The following COL11A1 variants were observed in gnomAD, a reference collection of about 807,000 sequenced individuals.
COL11A1 encodes collagen type XI alpha 1 chain.
In COL11A1, 74 loss-of-function variants were observed where a neutral mutation model predicts 265.2. The ratio of observed to expected loss-of-function variants is 0.28; its 90% CI spans 0.23 to 0.34. The LOEUF (loss-of-function observed/expected upper bound fraction) is 0.34, where lower values mean the gene tolerates loss of function less well. Ranked by LOEUF, COL11A1 falls within the 10% of genes least tolerant of loss-of-function variation. The pLI, the probability that COL11A1 is intolerant of heterozygous loss-of-function variation, is 1.00. For missense variants in COL11A1, 2,165 were observed against 2,263.6 expected, an observed-to-expected ratio of 0.96 and a Z score of 0.88; for synonymous variants, 816 against 727.6, an observed-to-expected ratio of 1.12 and a Z score of -1.96.
chr1:102,958,394 T>G (rs1005914086), intron 41 of COL11A1, among the ~76,000 whole-genome samples: 2 of 152,164 alleles, frequency 1.3e-5, no homozygotes, highest in Admixed American at 1.3e-4. Context: ...ATTGACATTA[T>G]TAATTTTCTA....
chr1:102,998,391 A>C (rs773800941), intron 24 of COL11A1, 28 bp from the exon 25 acceptor site: 25 of 1,486,562 alleles, frequency 1.7e-5, no homozygotes, highest in Middle Eastern at 2.5e-4. Flanking sequence ...AATATTAAAA[A>C]GATAAAAATA....
Position 103,006,115 on chromosome 1 carries a change from G to C in COL11A1, c.1744C>G (p.Pro582Ala), listed in dbSNP as rs746192125. 4 of 1,613,440 alleles carry C rather than the reference G, an allele frequency of 2.5e-6. No individual in the cohort carries two copies. The highest frequency in any genetic ancestry group is 3.4e-6 in the Non-Finnish European group (4 of 1,179,842). The change falls in exon 17 of 67, where the codon CCA becomes GCA. Residue 582 changes from proline (P) to alanine (A), a missense_variant. By Grantham distance (27) the Pro-to-Ala change is conservative (BLOSUM62 -1). Coordinates refer to ENST00000370096, the MANE Select transcript of COL11A1 (RefSeq NM_001854.4). ...PTGKPGKRGRPGADGGRGMPG... is the reference protein window; with the variant it reads ...PTGKPGKRGRAGADGGRGMPG... ...ATTCCTCTTCCTCCATCTGCACCTG[G>C]ACGACCCTAATAATGCCAACAGCAT...
intron 43 of COL11A1, 80 bp downstream of exon 43, chr1:102,940,246 TA>T: frequency 8.5e-7 from 1 of 1,179,052 alleles, no homozygotes; most frequent in Non-Finnish European, 1.3e-6. Flanking sequence ...CGCCTAATCA[TA>T]AAGATTAGAA....
At chr1:102,980,149 G>A (rs899329883) in intron 31 of COL11A1, among the ~76,000 whole-genome samples, 3 of 152,032 alleles carry the variant, frequency 2.0e-5, no homozygotes, top group Non-Finnish European at 4.4e-5. Context: ...TCTGCAAAGT[G>A]AGGGCAGTAA....
chr1:103,005,964 A>C (rs1665568733), intron 17 of COL11A1, 73 bp from the exon 18 acceptor site: 1 of 1,612,444 alleles, frequency 6.2e-7, no homozygotes, highest in Non-Finnish European at 8.5e-7. Flanking sequence ...CTGCAATTTA[A>C]ATGCGAAATA....
chr1:102,898,893 T>TATATATA (rs751982094), intron 55 of COL11A1, 48 bp downstream of exon 55: 2 of 1,084,298 alleles, frequency 1.8e-6, no homozygotes, highest in African/African-American at 1.6e-5. Flanking sequence ...TAATACCTTG[T>TATATATA]ATATATAATA....
intron 4 of COL11A1, among the ~76,000 whole-genome samples, chr1:103,066,134 A>G (rs1671125117): frequency 6.6e-6 from 1 of 152,170 alleles, no homozygotes; most frequent in African/African-American, 2.4e-5. Flanking sequence ...GTTGTATAAG[A>G]AATGTTAAAG....
chr1:102,931,502 T>G (rs2101163707), intron 46 of COL11A1, among the ~76,000 whole-genome samples: 1 of 152,294 alleles, frequency 6.6e-6, no homozygotes, highest in African/African-American at 2.4e-5. Context: ...TGAGGAGAGC[T>G]TTACTTCCAA....
intron 24 of COL11A1, chr1:103,001,711 G>GTTACCA: frequency 1.7e-6 from 1 of 599,610 alleles, no homozygotes; most frequent in Non-Finnish European, 3.0e-6. Flanking sequence ...TTTGGAAGCT[G>GTTACCA]TTTAAATGGT....
At chr1:103,032,545 G>A (rs1045962792) in intron 4 of COL11A1, among the ~76,000 whole-genome samples, 1 of 151,962 alleles carries the variant, frequency 6.6e-6, no homozygotes, top group Non-Finnish European at 1.5e-5. Flanking sequence ...AACTTGAAAA[G>A]ATATAATCAA....
At chr1:102,979,203 TC>T in intron 32 of COL11A1, 99 bp from the exon 33 acceptor site, 11 of 1,317,158 alleles carry the variant, frequency 8.4e-6, no homozygotes, top group Non-Finnish European at 1.2e-5. Flanking sequence ...ATTCATTCAT[TC>T]ATTCATTCGT....
chr1:102,898,519 C>T (rs935731607), intron 56 of COL11A1, 147 bp downstream of exon 56: 22 of 612,226 alleles, frequency 3.6e-5, no homozygotes, highest in Non-Finnish European at 6.3e-5. Context: ...TGAAGAATAT[C>T]TTTTTTACAT....
At chr1:102,941,947 CTTAA>C (rs1658769975) in intron 42 of COL11A1, among the ~76,000 whole-genome samples, 1 of 152,112 alleles carries the variant, frequency 6.6e-6, no homozygotes, top group African/African-American at 2.4e-5. Context: ...TGCTACATTA[CTTAA>C]TTAATGACAA....
chr1:102,905,746 A>G (rs1653902557), intron 54 of COL11A1, among the ~76,000 whole-genome samples: 1 of 152,116 alleles, frequency 6.6e-6, no homozygotes, highest in Admixed American at 6.6e-5. Flanking sequence ...AATTTGTACC[A>G]AGGGATAACC....
At chr1:102,899,589 G>GA (rs979964868) in intron 54 of COL11A1, among the ~76,000 whole-genome samples, 23 of 149,548 alleles carry the variant, frequency 1.5e-4, no homozygotes, top group Non-Finnish European at 2.2e-4. Flanking sequence ...AAGTAAAATT[G>GA]AAAAAAAAAT....
intron 1 of COL11A1, among the ~76,000 whole-genome samples, chr1:103,088,967 T>C (rs1482756735): frequency 6.6e-6 from 1 of 152,174 alleles, no homozygotes; most frequent in Non-Finnish European, 1.5e-5. Context: ...CAATAAAAAC[T>C]ATCGACTCGC....
At chr1:103,071,112 A>G (rs1671551994) in intron 4 of COL11A1, among the ~76,000 whole-genome samples, 1 of 152,040 alleles carries the variant, frequency 6.6e-6, no homozygotes, top group Non-Finnish European at 1.5e-5. Context: ...CAAAATGTCC[A>G]TCACAAAGCT....
intron 36 of COL11A1, among the ~76,000 whole-genome samples, chr1:102,971,636 T>C (rs1445584707): frequency 6.6e-6 from 1 of 152,166 alleles, no homozygotes; most frequent in Non-Finnish European, 1.5e-5. Context: ...TTTTCTCAAA[T>C]AGCTTTCTTC....
At chr1:102,896,130 C>T (rs1482372145) in intron 57 of COL11A1, among the ~76,000 whole-genome samples, 1 of 150,900 alleles carries the variant, frequency 6.6e-6, no homozygotes, top group Admixed American at 6.6e-5. Flanking sequence ...ATCCATATCC[C>T]AATTGAACTC....
Sources: gnomAD v4.1 joint callset for allele counts (sites outside exome capture counted in the v4.1 genomes callset) on GRCh38, gnomAD v4.1.1 for gene constraint, MANE v1.5 for transcripts, NCBI Gene and HGNC (gene_info 2026-07-23, HGNC 2026-07-21) for gene names.